ARHGAP24: variants seen among roughly 807,000 people sequenced by gnomAD.
ARHGAP24 encodes Rho GTPase activating protein 24.
In ARHGAP24, 50 loss-of-function variants were observed where a neutral mutation model predicts 76.4. That is an observed-to-expected ratio of 0.65 (90% CI 0.52 to 0.83). The LOEUF is 0.83. ARHGAP24 is among the 40% of genes least tolerant of loss of function. The pLI is 0.00. For synonymous variants in ARHGAP24, 345 were observed against 323.3 expected, an observed-to-expected ratio of 1.07 and a Z score of -0.72; for missense variants, 930 against 914.2, an observed-to-expected ratio of 1.02 and a Z score of -0.22.
At chr4:85,947,460 C>T (rs1466980852) in intron 5 of ARHGAP24, among the ~76,000 whole-genome samples, 2 of 152,142 alleles carry the variant, frequency 1.3e-5, no homozygotes, top group Non-Finnish European at 2.9e-5. Flanking sequence ...AAGACAGAGC[C>T]TTGATCACCT....
intron 3 of ARHGAP24, among the ~76,000 whole-genome samples, chr4:85,857,755 T>C (rs901015824): frequency 6.6e-6 from 1 of 152,160 alleles, no homozygotes; most frequent in Non-Finnish European, 1.5e-5. Context: ...AGATATACAA[T>C]ATTAAGAGAA....
intron 1 of ARHGAP24, among the ~76,000 whole-genome samples, chr4:85,537,469 G>C (rs1017153347): frequency 2.0e-5 from 3 of 152,090 alleles, no homozygotes; most frequent in Admixed American, 6.5e-5. Context: ...AAACAATGCA[G>C]CTGTAAAAAT....
At chr4:85,813,387 C>G (rs776433350) in intron 3 of ARHGAP24, among the ~76,000 whole-genome samples, 1 of 152,090 alleles carries the variant, frequency 6.6e-6, no homozygotes, top group Non-Finnish European at 1.5e-5. Context: ...TGAGACAAAA[C>G]TTTGTAGTAA....
At chr4:85,889,918 T>A (rs1578349972) in intron 3 of ARHGAP24, among the ~76,000 whole-genome samples, 1 of 152,142 alleles carries the variant, frequency 6.6e-6, no homozygotes, top group South Asian at 2.1e-4. Flanking sequence ...TTTATTGCCA[T>A]CTCTTTCTTT....
chr4:85,840,017 CTTTTTTTTTTT>C (rs70948759), intron 3 of ARHGAP24, among the ~76,000 whole-genome samples: 3 of 116,050 alleles, frequency 2.6e-5, no homozygotes, highest in Non-Finnish European at 3.5e-5. Flanking sequence ...GCCTGGCTAA[CTTTTTTTTTTT>C]TTTTTTTTTT....
intron 3 of ARHGAP24, among the ~76,000 whole-genome samples, chr4:85,834,789 G>T (rs1405696347): frequency 6.6e-6 from 1 of 152,116 alleles, no homozygotes; most frequent in African/African-American, 2.4e-5. Flanking sequence ...ATAGTCCTTT[G>T]CTCTATGGAA....
rs542682325 is a variant in ARHGAP24, at chr4:85,698,699, C to T, written c.181-23186C>T. Among the ~76,000 whole-genome samples, 8 of 152,302 alleles carry T rather than the reference C, an allele frequency of 5.3e-5. No individual in the cohort carries two copies. In the South Asian group the frequency reaches 1.7e-3, roughly 32 times the overall value. ...CATGGTTGGGTTCTGGCGAGGGCTT[C>T]TTCCTGGCTTCCACATAGCACGTTC... On this transcript the variant is annotated intron_variant, in intron 2 of 9. Transcript: ENST00000395184.
chr4:85,958,802 T>TA (rs1738071408), intron 5 of ARHGAP24, among the ~76,000 whole-genome samples: 1 of 152,226 alleles, frequency 6.6e-6, no homozygotes, highest in Non-Finnish European at 1.5e-5. Context: ...TAAGATTTCT[T>TA]ATGCCCATTT....
intron 3 of ARHGAP24, among the ~76,000 whole-genome samples, chr4:85,763,699 T>C (rs1015752143): frequency 6.6e-6 from 1 of 152,214 alleles, no homozygotes; most frequent in Non-Finnish European, 1.5e-5. Context: ...TACTAGTAAT[T>C]CATTTATTTC....
At chr4:85,501,669 G>A (rs1266009234) in intron 1 of ARHGAP24, among the ~76,000 whole-genome samples, 1 of 152,142 alleles carries the variant, frequency 6.6e-6, no homozygotes, top group Non-Finnish European at 1.5e-5. Context: ...CATTCTGTAG[G>A]TTGCCTGTTC....
At chr4:85,507,495 G>T (rs932193116) in intron 1 of ARHGAP24, among the ~76,000 whole-genome samples, 1 of 152,172 alleles carries the variant, frequency 6.6e-6, no homozygotes, top group Non-Finnish European at 1.5e-5. Flanking sequence ...GTGTGTATTT[G>T]TGAATGTCAT....
rs1238514023 is a variant in ARHGAP24, at chr4:85,661,270, T to C, written c.181-60615T>C. Among the ~76,000 whole-genome samples the C allele has an allele frequency of 3.9e-5, 6 of 152,172 alleles. No homozygotes were observed. The East Asian group carries it at 9.6e-4, about 24-fold the overall frequency. ...GCTTAGTTAACTGAAATTACATTAA[T>C]TGGAGAATGAATCTAAGAAACCATA... On this transcript the variant is annotated intron_variant, in intron 2 of 9. Transcript: ENST00000395184.
intron 3 of ARHGAP24, among the ~76,000 whole-genome samples, chr4:85,900,531 A>G (rs1457322154): frequency 6.6e-6 from 1 of 151,798 alleles, no homozygotes; most frequent in Non-Finnish European, 1.5e-5. Flanking sequence ...GCCCATTGCA[A>G]CCTCTGCCTC....
chr4:85,824,015 T>C (rs1020710120), intron 3 of ARHGAP24, among the ~76,000 whole-genome samples: 27 of 151,998 alleles, frequency 1.8e-4, no homozygotes, highest in Non-Finnish European at 1.5e-5. Flanking sequence ...TCTAGAAAAA[T>C]ATTACCATCC....
chr4:85,991,321 G>T (rs1480589842), intron 8 of ARHGAP24: 1 of 152,072 alleles, frequency 6.6e-6, no homozygotes, highest in Non-Finnish European at 1.5e-5. Flanking sequence ...ACTTAAATAT[G>T]CAGTAACCGT....
intron 3 of ARHGAP24, among the ~76,000 whole-genome samples, chr4:85,902,407 C>A (rs965331202): frequency 6.6e-6 from 1 of 152,056 alleles, no homozygotes; most frequent in East Asian, 1.9e-4. Flanking sequence ...TTGAGTGGAC[C>A]CAGTGCCTTT....
chr4:85,695,517 C>T (rs1723835743), intron 2 of ARHGAP24, among the ~76,000 whole-genome samples: 1 of 152,144 alleles, frequency 6.6e-6, no homozygotes. Context: ...TGTAAACTAG[C>T]AACCTTCTAT....
intron 3 of ARHGAP24, among the ~76,000 whole-genome samples, chr4:85,880,131 AG>A (rs1733162196): frequency 6.6e-6 from 1 of 152,238 alleles, no homozygotes; most frequent in Non-Finnish European, 1.5e-5. Flanking sequence ...TAGGCACAGT[AG>A]CAGATTAACA....
chr4:85,648,601 T>A (rs1244812141), intron 2 of ARHGAP24, among the ~76,000 whole-genome samples: 1 of 152,094 alleles, frequency 6.6e-6, no homozygotes, highest in Non-Finnish European at 1.5e-5. Flanking sequence ...GATGTAATAT[T>A]GCCATTTATC....
Sources: gnomAD v4.1 joint callset for allele counts (sites outside exome capture counted in the v4.1 genomes callset) on GRCh38, gnomAD v4.1.1 for gene constraint, MANE v1.5 for transcripts, NCBI Gene and HGNC (gene_info 2026-07-23, HGNC 2026-07-21) for gene names.